The following FBN2 variants were observed in gnomAD, a reference collection of about 807,000 sequenced individuals.
The protein encoded by FBN2 is fibrillin 2, also known as fibrillin-2.
FBN2 carries 105 observed loss-of-function variants against 355.6 expected under a neutral mutation model. That is an observed-to-expected ratio of 0.30 (90% CI 0.25 to 0.35). The LOEUF (loss-of-function observed/expected upper bound fraction) is 0.35. Among genes scored for constraint, FBN2 ranks in the 10% least tolerant of loss-of-function variants. FBN2 has a pLI of 1.00. For missense variants in FBN2, 3,280 were observed against 3,758.7 expected (o/e 0.87, Z 3.33); for synonymous variants, 1,350 against 1,301.2 (o/e 1.04, Z -0.81).
intron 5 of FBN2, among the ~76,000 whole-genome samples, chr5:128,494,573 G>A (rs1755602301): frequency 1.3e-5 from 2 of 152,152 alleles, no homozygotes; most frequent in South Asian, 4.1e-4. Context: ...TCAGAAATTA[G>A]TGAGGCCTAA....
intron 11 of FBN2, among the ~76,000 whole-genome samples, chr5:128,384,640 C>T (rs964896038): frequency 6.6e-6 from 1 of 152,030 alleles, no homozygotes; most frequent in Admixed American, 6.6e-5. Flanking sequence ...CTTCATTTTC[C>T]TCCTTGTCTT....
chr5:128,350,059 G>A (rs1203563808), intron 21 of FBN2, 54 bp from the exon 22 acceptor site: 2 of 1,381,862 alleles, frequency 1.4e-6, no homozygotes, highest in Admixed American at 1.7e-5. Context: ...ATACAACCAT[G>A]GTATGCTCAA....
chr5:128,484,062 C>T (rs1288925763), intron 5 of FBN2, among the ~76,000 whole-genome samples: 1 of 152,080 alleles, frequency 6.6e-6, no homozygotes, highest in African/African-American at 2.4e-5. Flanking sequence ...AGAGAAAAAC[C>T]AATTATTTAA....
At chr5:128,457,311 C>T (rs1313209129) in intron 6 of FBN2, among the ~76,000 whole-genome samples, 1 of 152,088 alleles carries the variant, frequency 6.6e-6, no homozygotes, top group Non-Finnish European at 1.5e-5. Context: ...CATAAAATGA[C>T]CTAACCTACG....
At chr5:128,369,467 A>C in intron 15 of FBN2, 133 bp from the exon 16 acceptor site, 1 of 778,304 alleles carries the variant, frequency 1.3e-6, no homozygotes, top group Non-Finnish European at 2.1e-6. Context: ...TTTATTTTGC[A>C]TCTTTAGCAT....
chr5:128,305,078 G>A lies in FBN2; in HGVS notation c.5679C>T (p.Arg1893=). Reference sequence around the variant, plus strand: ...CGTTAGGAATTTCTAAACATTCATTGCGATCTAAAACAGAAAAAAATAAAT... The same window carrying A: ...CGTTAGGAATTTCTAAACATTCATTACGATCTAAAACAGAAAAAAATAAAT... ...KLSPNGACVD[R]NECLEIPNVC... is the part of the protein sequence containing the mutation. The change falls in exon 45 of 65, where the codon CGC becomes CGT. Residue 1893 remains arginine, a synonymous_variant. Coordinates refer to ENST00000262464, the MANE Select transcript of FBN2 (RefSeq NM_001999.4). The A allele has an allele frequency of 1.2e-6, 2 of 1,608,640 alleles. No individual in the cohort carries two copies. Among genetic ancestry groups the A allele is most frequent in the Non-Finnish European group, 1.7e-6 (2 of 1,176,752 alleles).
At chr5:128,512,470 G>A (rs1479895049) in intron 5 of FBN2, among the ~76,000 whole-genome samples, 3 of 131,774 alleles carry the variant, frequency 2.3e-5, no homozygotes, top group African/African-American at 8.8e-5. Flanking sequence ...CCAAGATCAC[G>A]CCACTGCACT....
rs863223590 is a variant in FBN2, at chr5:128,271,994, C to T, written c.7960+5G>A. ...GCAAGTGCGATGGAAGAAAAGAGCA[C>T]TCACCGACACACTGATTCCACTGGT... is the stretch of plus-strand genomic sequence containing the variant. On this transcript the variant is annotated splice_donor_5th_base_variant and intron_variant, in intron 62 of 64. Transcript: ENST00000262464. 4 of 1,613,690 alleles carry T rather than the reference C, an allele frequency of 2.5e-6. No individual in the cohort carries two copies. The highest frequency in any genetic ancestry group is 3.4e-6 in the Non-Finnish European group (4 of 1,179,838).
intron 34 of FBN2, among the ~76,000 whole-genome samples, chr5:128,324,619 CTTTTT>C (rs1166002656): frequency 7.3e-6 from 1 of 137,724 alleles, no homozygotes; most frequent in Admixed American, 7.3e-5. Flanking sequence ...TTTTCTTTTT[CTTTTT>C]TTTTTTTTTT....
intron 8 of FBN2, 81 bp downstream of exon 8, chr5:128,408,593 C>A: frequency 6.7e-7 from 1 of 1,494,848 alleles, no homozygotes; most frequent in Non-Finnish European, 9.3e-7. Flanking sequence ...ATTTTATAAT[C>A]GTTGCCATCT....
intron 34 of FBN2, among the ~76,000 whole-genome samples, chr5:128,323,155 G>C (rs1489597637): frequency 2.6e-5 from 4 of 152,180 alleles, no homozygotes; most frequent in African/African-American, 9.7e-5. Context: ...AGGAGATTTT[G>C]GGCCGAGATG....
chr5:128,476,836 C>A (rs1422704284), intron 5 of FBN2, among the ~76,000 whole-genome samples: 2 of 152,178 alleles, frequency 1.3e-5, no homozygotes, highest in Non-Finnish European at 2.9e-5. Flanking sequence ...CAATGAGATT[C>A]AATAGCTCCG....
At chr5:128,357,229 T>C (rs2126931256) in intron 20 of FBN2, 47 bp downstream of exon 20, 1 of 1,611,822 alleles carries the variant, frequency 6.2e-7, no homozygotes, top group African/African-American at 1.3e-5. Context: ...GATCTGTGCT[T>C]ATCTTGGCAG....
chr5:128,307,336 T>C (rs1236190033), intron 41 of FBN2, 133 bp from the exon 42 acceptor site: 1 of 686,550 alleles, frequency 1.5e-6, no homozygotes, highest in Non-Finnish European at 2.6e-6. Flanking sequence ...ATTATATTTA[T>C]TTGATAGCAA....
rs1317484641 is a variant in FBN2, at chr5:128,398,058, C to T, written c.1079-2784G>A. On this transcript the variant is annotated intron_variant, in intron 8 of 64. Coordinates refer to ENST00000262464, the MANE Select transcript of FBN2 (RefSeq NM_001999.4). The stretch of plus-strand genomic sequence containing the variant: ...TAAGAATCTGTAACCACAAGGTCTT[C>T]CTCACATCAATAGCTTTGATGCCTC... Among the ~76,000 whole-genome samples, 3 of 152,160 alleles carry T rather than the reference C, an allele frequency of 2.0e-5. No homozygotes were observed. The East Asian group carries it at 5.8e-4, about 29-fold the overall frequency.
chr5:128,312,605 TTCTTCC>T, intron 37 of FBN2, 23 bp downstream of exon 37: 1 of 1,613,716 alleles, frequency 6.2e-7, no homozygotes, highest in Non-Finnish European at 8.5e-7. Flanking sequence ...CCAGTTGGTT[TTCTTCC>T]TCTTCTTCAG....
chr5:128,281,932 C>T (rs1189476841), intron 55 of FBN2, among the ~76,000 whole-genome samples: 3 of 152,138 alleles, frequency 2.0e-5, no homozygotes, highest in African/African-American at 7.2e-5. Context: ...CCTCGTGATC[C>T]GCCTGCCTCG....
intron 44 of FBN2, 27 bp downstream of exon 44, chr5:128,305,484 C>A (rs746424558): frequency 6.2e-6 from 10 of 1,613,070 alleles, no homozygotes; most frequent in Non-Finnish European, 8.5e-6. Context: ...TGCTCAGTGC[C>A]AAAGAATGAG....
chr5:128,443,309 T>TC (rs1753971558), intron 7 of FBN2, among the ~76,000 whole-genome samples: 1 of 152,230 alleles, frequency 6.6e-6, no homozygotes, highest in African/African-American at 2.4e-5. Flanking sequence ...ACCAGTAGCT[T>TC]CTTTCCAAAT....
Sources: gnomAD v4.1 joint callset for allele counts (sites outside exome capture counted in the v4.1 genomes callset) on GRCh38, gnomAD v4.1.1 for gene constraint, MANE v1.5 for transcripts, NCBI Gene and HGNC (gene_info 2026-07-23, HGNC 2026-07-21) for gene names.